Variants in TMEM67 observed in about 807,000 individuals in gnomAD.
The protein encoded by TMEM67 is transmembrane protein 67.
Under a neutral mutation model 136.6 loss-of-function variants are expected in TMEM67, and 124 were observed. The observed-to-expected ratio is 0.91, with a 90% CI of 0.78 to 1.05. The LOEUF is 1.05. Among genes scored for constraint, TMEM67 ranks in the 50% least tolerant of loss-of-function variants. The pLI is 0.00. For synonymous variants in TMEM67, 364 were observed against 390.5 expected (o/e 0.93, Z 0.80); for missense variants, 1,107 against 1,178.4 (o/e 0.94, Z 0.89).
At chr8:93,792,894 T>A (rs1218453484) in intron 15 of TMEM67, among the ~76,000 whole-genome samples, 1 of 151,762 alleles carries the variant, frequency 6.6e-6, no homozygotes, top group African/African-American at 2.4e-5. Context: ...TGCCTCAGCC[T>A]CCCCAGTAGC....
intron 23 of TMEM67, 22 bp from the exon 24 acceptor site, chr8:93,808,818 C>G: frequency 6.8e-7 from 1 of 1,478,888 alleles, no homozygotes; most frequent in Non-Finnish European, 9.5e-7. Flanking sequence ...TTGATCTTAA[C>G]TTAAATTCTT....
At position 93,758,539 on chromosome 8, in the gene TMEM67, C is replaced by A; in HGVS notation, c.369C>A (p.Ala123=). 6.2e-7 allele frequency: 1 copy of A among 1,613,698 alleles called. No homozygotes were observed. The highest frequency in any genetic ancestry group is 8.5e-7 in the Non-Finnish European group (1 of 1,179,814). ...TTTCTTGCCCTAGTGACTTAACTGC[C>A]GAAGGAAAATGTCACTGTCCCATTG... The part of the protein sequence containing the change: ...NCISCPSDLT[A]EGKCHCPIGH... The change falls in exon 3 of 28, where the codon GCC becomes GCA. Residue 123 remains alanine (A), a synonymous_variant. Transcript: ENST00000453321.
chr8:93,786,341 A>G lies in TMEM67; in HGVS notation c.1407A>G (p.Ser469=). The G allele has an allele frequency of 6.2e-7, 1 of 1,613,734 alleles. No homozygotes were observed. Among genetic ancestry groups the G allele is most frequent in the Non-Finnish European group, 8.5e-7 (1 of 1,179,738 alleles). Residue 469 remains serine (S), a synonymous_variant, in exon 13 of 28, where the codon TCA becomes TCG. Transcript: ENST00000453321. ...PRVIRVATQI[S]LSVHLVPNTI... is the part of the protein sequence containing the mutation. The stretch of plus-strand genomic sequence containing the variant: ...TAATTCGAGTTGCTACTCAAATATC[A>G]CTGAGGTAAACAAATGTCTAATGAT...
At chr8:93,783,506 T>C (rs547439130) in intron 11 of TMEM67, among the ~76,000 whole-genome samples, 12 of 152,356 alleles carry the variant, frequency 7.9e-5, no homozygotes, top group African/African-American at 2.6e-4. Context: ...TTCTTTCTCC[T>C]TCCTTCTCTG....
chr8:93,801,875 T>C (rs544002483), intron 21 of TMEM67, among the ~76,000 whole-genome samples: 2 of 152,180 alleles, frequency 1.3e-5, no homozygotes, highest in South Asian at 4.1e-4. Flanking sequence ...GACAAATATA[T>C]TAGAATTGGA....
At chr8:93,808,542 C>CTA (rs1368316441) in intron 23 of TMEM67, among the ~76,000 whole-genome samples, 3 of 12,464 alleles carry the variant, frequency 2.4e-4, no homozygotes, top group African/African-American at 8.3e-4. Context: ...TATCTATAAT[C>CTA]TATATATATC....
In TMEM67 at chr8:93,816,749, A is replaced by G. The variant is rs937761623; in HGVS notation, c.*297A>G. 1 of 188,964 alleles carries G rather than the reference A, an allele frequency of 5.3e-6. No homozygotes were observed. Among genetic ancestry groups the G allele is most frequent in the Non-Finnish European group, 1.1e-5 (1 of 91,828 alleles). 11.7% of individuals were successfully genotyped at this position (188,964 alleles called of 1,614,324 possible). On this transcript the variant is annotated 3_prime_UTR_variant, in exon 28 of 28. Coordinates refer to ENST00000453321, the MANE Select transcript of TMEM67 (RefSeq NM_153704.6). ...ATAATACTTTTTAATGCTAATTAAA[A>G]CAGTCCCCATCATTTGTCTCTGTAG... is the stretch of plus-strand genomic sequence containing the variant.
intron 7 of TMEM67, among the ~76,000 whole-genome samples, chr8:93,777,330 G>GT (rs1347487588): frequency 2.0e-5 from 3 of 152,178 alleles, no homozygotes; most frequent in Admixed American, 6.5e-5. Context: ...TTTTTGAAGG[G>GT]TTTTTTGTGT....
intron 26 of TMEM67, among the ~76,000 whole-genome samples, chr8:93,812,108 C>T (rs186059973): frequency 0.017 from 2,507 of 148,842 alleles, 32 homozygotes; most frequent in Non-Finnish European, 0.027. Context: ...GAGATCGCAC[C>T]ATTGCACTCC....
intron 21 of TMEM67, among the ~76,000 whole-genome samples, chr8:93,802,519 A>C (rs1194897512): frequency 1.3e-5 from 2 of 152,216 alleles, no homozygotes; most frequent in Non-Finnish European, 2.9e-5. Context: ...CTGGATAGTA[A>C]AGCATTTCTC....
the TMEM67 span, among the ~76,000 whole-genome samples, chr8:93,826,505 C>G: frequency 6.6e-6 from 1 of 152,084 alleles, no homozygotes; most frequent in Non-Finnish European, 1.5e-5. Flanking sequence ...TTCCTCCTCC[C>G]AAAAGAAATG....
intron 21 of TMEM67, among the ~76,000 whole-genome samples, chr8:93,802,766 A>G (rs536628390): frequency 6.6e-6 from 1 of 152,236 alleles, no homozygotes; most frequent in African/African-American, 2.4e-5. Context: ...TAAAATATGT[A>G]TATAGAGTAT....
chr8:93,825,840 C>G, the TMEM67 span, among the ~76,000 whole-genome samples: 2 of 152,282 alleles, frequency 1.3e-5, no homozygotes, highest in Admixed American at 1.3e-4. Flanking sequence ...GGGGGAGGGA[C>G]AGACCACATG....
rs1235653478 is a variant in TMEM67, at chr8:93,786,234, G to A, written c.1300G>A (p.Gly434Arg). The A allele has an allele frequency of 6.2e-7, 1 of 1,613,934 alleles. No homozygotes were observed. Among genetic ancestry groups the A allele is most frequent in the South Asian group, 1.1e-5 (1 of 91,060 alleles). The part of the protein sequence containing the change: ...KIFVNQDSNS[G>R]KWLLTRRIFL... ...TTTTATAATAAAAGACAGCAACTCT[G>A]GAAAGTGGCTTCTAACTCGGCGCAT... Residue 434 changes from glycine to arginine, a missense_variant, in exon 13 of 28, where the codon GGA becomes AGA. Gly to Arg is a moderately radical substitution (Grantham distance 125, BLOSUM62 -2). Transcript: ENST00000453321.
At chr8:93,766,691 A>C (rs1426283825) in intron 6 of TMEM67, among the ~76,000 whole-genome samples, 1 of 152,134 alleles carries the variant, frequency 6.6e-6, no homozygotes, top group South Asian at 2.1e-4. Flanking sequence ...ATTATTATTG[A>C]ATATAAGAGT....
intron 8 of TMEM67, 63 bp from the exon 9 acceptor site, chr8:93,780,811 C>T (rs1174156789): frequency 3.1e-6 from 5 of 1,587,660 alleles, no homozygotes; most frequent in South Asian, 1.1e-5. Flanking sequence ...TTAATATATT[C>T]ACAAATACTA....
At chr8:93,810,354 G>A (rs1178716102) in intron 26 of TMEM67, among the ~76,000 whole-genome samples, 3 of 151,654 alleles carry the variant, frequency 2.0e-5, no homozygotes, top group South Asian at 4.2e-4. Context: ...GCCGAGGCAG[G>A]TGGATCACCT....
downstream of TMEM67, among the ~76,000 whole-genome samples, chr8:93,823,559 T>G (rs1224255970): frequency 2.0e-5 from 3 of 152,104 alleles, no homozygotes; most frequent in African/African-American, 7.2e-5. Context: ...ATACTTTAAC[T>G]GAGACAAAGC....
intron 14 of TMEM67, among the ~76,000 whole-genome samples, chr8:93,789,251 G>A (rs1344296821): frequency 6.6e-6 from 1 of 152,096 alleles, no homozygotes. Context: ...AAATACACAT[G>A]TAGTATAACT....
Sources: gnomAD v4.1 joint callset for allele counts (sites outside exome capture counted in the v4.1 genomes callset) on GRCh38, gnomAD v4.1.1 for gene constraint, MANE v1.5 for transcripts, NCBI Gene and HGNC (gene_info 2026-07-23, HGNC 2026-07-21) for gene names.